KIF21B: variants seen among roughly 807,000 people sequenced by gnomAD.
KIF21B encodes the protein kinesin-like protein KIF21B.
A neutral mutation model predicts 192.9 loss-of-function variants in KIF21B; 85 were observed. That is an observed-to-expected ratio of 0.44 (90% CI 0.37 to 0.53). The LOEUF (loss-of-function observed/expected upper bound fraction) is 0.53, where lower values mean the gene tolerates loss of function less well. Among genes scored for constraint, KIF21B ranks in the 20% least tolerant of loss-of-function variants. KIF21B has a pLI of 0.00. For missense variants in KIF21B, 1,716 were observed against 2,194.8 expected (o/e 0.78, Z 4.36); for synonymous variants, 832 against 884.6 (o/e 0.94, Z 1.05).
intron 1 of KIF21B, among the ~76,000 whole-genome samples, chr1:201,014,015 G>A (rs1279899996): frequency 6.6e-6 from 1 of 152,216 alleles, no homozygotes; most frequent in Non-Finnish European, 1.5e-5. Flanking sequence ...AAAGGCCCCC[G>A]GAATCTCCCA....
chr1:200,998,516 G>C lies in KIF21B; in HGVS notation c.1945C>G (p.Leu649Val), dbSNP rs1478514074. The change falls in exon 14 of 35, where the codon CTG (leucine) becomes GTG (valine). Residue 649 changes from leucine to valine, a missense_variant. Leu to Val is a conservative substitution (Grantham distance 32). Coordinates refer to ENST00000461742, the MANE Select transcript of KIF21B (RefSeq NM_001252102.2). This position sits in a 1 kb window ranked among gnomAD's most constrained non-coding sequence, Gnocchi z 4.3. ...LTCEIEIKQK[L>V]IDELENSQRR... ...TGGCTGTTCTCCAGCTCGTCGATCAGCTTCTGCTTGATTTCGATCTCACAA... is the reference window on the plus strand; with the variant it reads ...TGGCTGTTCTCCAGCTCGTCGATCACCTTCTGCTTGATTTCGATCTCACAA... 1.2e-6 allele frequency: 2 copies of C among 1,613,860 alleles called. No homozygotes were observed. Among genetic ancestry groups the C allele is most frequent in the Non-Finnish European group, 1.7e-6 (2 of 1,180,032 alleles).
In KIF21B at chr1:201,009,456, T is replaced by G; in HGVS notation, c.74A>C (p.Glu25Ala). 3.7e-6 allele frequency: 6 copies of G among 1,614,192 alleles called. No homozygotes were observed. The highest frequency in any genetic ancestry group is 5.1e-6 in the Non-Finnish European group (6 of 1,180,020). Residue 25 changes from glutamate to alanine, a missense_variant, in exon 2 of 35, where the codon GAG becomes GCG. Glu to Ala is a moderately radical substitution (Grantham distance 107). Transcript: ENST00000461742. ...AACAGAGGTACAGATGTGACAGCCCTCAATCTTCTCCTTCGACAGCTGGGG... is the reference window on the plus strand; with the variant it reads ...AACAGAGGTACAGATGTGACAGCCCGCAATCTTCTCCTTCGACAGCTGGGG... ...IRPQLSKEKI[E>A]GCHICTSVTP...
intron 1 of KIF21B, among the ~76,000 whole-genome samples, chr1:201,021,962 G>A (rs557918468): frequency 3.3e-5 from 5 of 152,208 alleles, no homozygotes; most frequent in East Asian, 1.9e-4. Flanking sequence ...GCCTGGCCCC[G>A]CCCCAGTCAG....
In KIF21B at chr1:201,002,284, G is replaced by A. The variant is rs1346799221; in HGVS notation, c.1279C>T (p.Leu427=). Residue 427 remains leucine (L), a synonymous_variant, in exon 9 of 35, where the codon CTA becomes TTA. Coordinates refer to ENST00000461742, the MANE Select transcript of KIF21B (RefSeq NM_001252102.2). The part of the protein sequence containing the change: ...YSDLFRENAM[L]QKENGALRLR... Reference sequence around the variant, plus strand: ...CGCAGGGCCCCATTCTCCTTCTGTAGCATGGCATTCTCTCGGAACAGATCA... The same window carrying A: ...CGCAGGGCCCCATTCTCCTTCTGTAACATGGCATTCTCTCGGAACAGATCA... 3.1e-6 allele frequency: 5 copies of A among 1,614,082 alleles called. No homozygotes were observed. In the African/African-American group the frequency reaches 5.3e-5, roughly 17 times the overall value.
intron 1 of KIF21B, among the ~76,000 whole-genome samples, chr1:201,010,769 G>A (rs1224019099): frequency 6.6e-6 from 1 of 152,360 alleles, no homozygotes; most frequent in African/African-American, 2.4e-5. Context: ...TCGCCACCCT[G>A]TCTCTGTCCC....
At chr1:200,996,118 A>G (rs1657044301) in intron 15 of KIF21B, 78 bp downstream of exon 15, 2 of 1,381,498 alleles carry the variant, frequency 1.4e-6, no homozygotes, top group Non-Finnish European at 2.1e-6. Flanking sequence ...AGCAATGATT[A>G]TTTTTACGAT....
chr1:200,995,700 T>C (rs1365446608), intron 15 of KIF21B, among the ~76,000 whole-genome samples: 1 of 152,198 alleles, frequency 6.6e-6, no homozygotes, highest in Non-Finnish European at 1.5e-5. Context: ...AAAAGAATAA[T>C]AATAGACTTC....
At chr1:200,976,647 TG>T in intron 32 of KIF21B, 128 bp downstream of exon 32, 1 of 553,412 alleles carries the variant, frequency 1.8e-6, no homozygotes, top group Non-Finnish European at 3.2e-6. Flanking sequence ...TTGCCTTCTT[TG>T]GGGTGATTTC....
At chr1:201,009,229 G>A in intron 2 of KIF21B, 37 bp downstream of exon 2, 2 of 1,582,692 alleles carry the variant, frequency 1.3e-6, no homozygotes, top group South Asian at 1.1e-5. Flanking sequence ...GGAGACCAAG[G>A]CTGGAGCCGC....
intron 8 of KIF21B, 85 bp downstream of exon 8, chr1:201,003,501 G>A: frequency 1.1e-5 from 15 of 1,393,264 alleles, no homozygotes; most frequent in Non-Finnish European, 1.5e-5. Context: ...TGCTGAGGAA[G>A]TTAGGGTGAG....
In KIF21B at chr1:200,975,996, G is replaced by T. The variant is rs1398187345; in HGVS notation, c.4444-327C>A. On this transcript the variant is annotated intron_variant, in intron 32 of 34. Transcript: ENST00000461742. This position sits in a 1 kb window ranked among gnomAD's most constrained non-coding sequence, Gnocchi z 4.3. ...CTCAACAGGCAGCTGCTAAGGAGAA[G>T]GGTGGGTTTAGGGTGTGAGCCTCCC... Among the ~76,000 whole-genome samples the T allele has an allele frequency of 6.6e-6, 1 of 152,146 alleles. No homozygotes were observed. The highest frequency in any genetic ancestry group is 1.9e-4 in the East Asian group (1 of 5,202).
Position 200,977,348 on chromosome 1 carries a change from C to T in KIF21B, c.4189G>A (p.Ala1397Thr). Residue 1397 changes from alanine to threonine, a missense_variant, in exon 31 of 35, where the codon GCC becomes ACC. Physicochemically the swap from Ala to Thr is moderately conservative, Grantham distance 58. Coordinates refer to ENST00000461742, the MANE Select transcript of KIF21B (RefSeq NM_001252102.2). Reference protein sequence around the residue: ...TSSGQVISGDACAATSTRAIT... With the variant: ...TSSGQVISGDTCAATSTRAIT... ...GCACGGGTGGATGTGGCGGCACAGG[C>T]ATCCCCTGAGATCACCTGGCCCGAG... 2 of 1,614,228 alleles carry T rather than the reference C, an allele frequency of 1.2e-6. No homozygotes were observed. Among genetic ancestry groups the T allele is most frequent in the Non-Finnish European group, 1.7e-6 (2 of 1,180,014 alleles).
Position 201,002,614 on chromosome 1 carries a change from T to A in KIF21B, c.1213-264A>T, listed in dbSNP as rs1216751941. The A allele has an allele frequency of 2.8e-5, 13 of 460,950 alleles. No individual in the cohort carries two copies. In the East Asian group the frequency reaches 4.6e-4, roughly 16 times the overall value. The allele number at this position is 460,950 out of a possible 1,614,324, so 28.6% of individuals were successfully genotyped here. On this transcript the variant is annotated intron_variant, in intron 8 of 34. Transcript: ENST00000461742. ...TCTCACAATCTTACTTGACCTAACTTTCCACAGTGTATTTTCATATCTCCA... is the reference window on the plus strand; with the variant it reads ...TCTCACAATCTTACTTGACCTAACTATCCACAGTGTATTTTCATATCTCCA...
At position 201,019,712 on chromosome 1, in the gene KIF21B, G is replaced by A. The variant is rs1035307000; in HGVS notation, c.41+3631C>T. Reference sequence around the variant, plus strand: ...TTCTGCAGCAGGAGGCCACCACCAAGATTCTCAGGTCTCCACACAGCCCAC... The same window carrying A: ...TTCTGCAGCAGGAGGCCACCACCAAAATTCTCAGGTCTCCACACAGCCCAC... On this transcript the variant is annotated intron_variant, in intron 1 of 34. Transcript: ENST00000461742. Among the ~76,000 whole-genome samples the A allele has an allele frequency of 7.9e-5, 12 of 152,166 alleles. No homozygotes were observed. In the South Asian group the frequency reaches 8.3e-4, roughly 11 times the overall value.
intron 16 of KIF21B, among the ~76,000 whole-genome samples, 179 bp downstream of exon 16, chr1:200,992,103 C>T (rs1027376366): frequency 6.6e-6 from 1 of 152,218 alleles, no homozygotes; most frequent in Non-Finnish European, 1.5e-5. Flanking sequence ...GGGGGCTGGA[C>T]CAGAAGCCAC....
intron 21 of KIF21B, 32 bp downstream of exon 21, chr1:200,989,910 G>C (rs1257865253): frequency 1.3e-6 from 2 of 1,548,336 alleles, no homozygotes; most frequent in Non-Finnish European, 1.8e-6. Context: ...TGTGCCCATA[G>C]AGCCCCCTGC....
chr1:201,020,293 T>C (rs992742655), intron 1 of KIF21B, among the ~76,000 whole-genome samples: 1 of 152,224 alleles, frequency 6.6e-6, no homozygotes, highest in African/African-American at 2.4e-5. Flanking sequence ...CTTGCATTTC[T>C]TAACAGCTAC....
Position 200,974,801 on chromosome 1 carries a change from T to G in KIF21B, c.4727A>C (p.Asn1576Thr). 6.2e-7 allele frequency: 1 copy of G among 1,614,224 alleles called. No homozygotes were observed. The highest frequency in any genetic ancestry group is 1.1e-5 in the South Asian group (1 of 91,086). The change falls in exon 34 of 35, where the codon AAC becomes ACC. Residue 1576 changes from asparagine to threonine, a missense_variant. Transcript: ENST00000461742. ...CTTGATCTCACCGATGGGTGTGAAG[T>G]TGTCCACGTTCCAGACCTTGATGAC... Reference protein sequence around the residue: ...AGVIKVWNVDNFTPIGEIKGH... With the variant: ...AGVIKVWNVDTFTPIGEIKGH...
rs1444963863 is a variant in KIF21B at position 200,999,172 on chromosome 1, T to G, written c.1885+177A>C. ...GGTAAGCACAGTGCCTGGCACCTAA[T>G]GAACGACCAGGAAGTGTTTGCCATC... On this transcript the variant is annotated intron_variant, in intron 13 of 34. Coordinates refer to ENST00000461742, the MANE Select transcript of KIF21B (RefSeq NM_001252102.2). The surrounding 1 kb of genome is among the most constrained non-coding windows in gnomAD (Gnocchi z 4.7). Among the ~76,000 whole-genome samples, 1 of 152,168 alleles carries G rather than the reference T, an allele frequency of 6.6e-6. No homozygotes were observed. The highest frequency in any genetic ancestry group is 2.1e-4 in the South Asian group (1 of 4,828).
Sources: allele counts gnomAD v4.1 joint callset (sites outside exome capture counted in the v4.1 genomes callset), GRCh38; gene constraint gnomAD v4.1.1; non-coding constraint Gnocchi (gnomAD v3.1); transcripts MANE v1.5; gene names NCBI Gene and HGNC (gene_info 2026-07-23, HGNC 2026-07-21).